The following SLC25A21 variants were observed in gnomAD, a reference collection of about 807,000 sequenced individuals.
The protein encoded by SLC25A21 is mitochondrial 2-oxodicarboxylate carrier.
Under a neutral mutation model 43.8 loss-of-function variants are expected in SLC25A21, and 47 were observed. The ratio of observed to expected loss-of-function variants is 1.07; its 90% CI spans 0.85 to 1.37. SLC25A21 has a LOEUF of 1.37. SLC25A21 is among the 40% of genes most tolerant of loss of function. The pLI is 0.00. For missense variants in SLC25A21, 352 were observed against 350.2 expected, an observed-to-expected ratio of 1.00 and a Z score of -0.04; for synonymous variants, 131 against 121.3, an observed-to-expected ratio of 1.08 and a Z score of -0.52.
intron 1 of SLC25A21, among the ~76,000 whole-genome samples, chr14:37,070,355 C>T (rs1962145767): frequency 6.6e-6 from 1 of 152,168 alleles, no homozygotes; most frequent in Non-Finnish European, 1.5e-5. Context: ...CAATCTGCAT[C>T]ACATCTTAGG....
chr14:37,068,676 T>G (rs1483848082), intron 1 of SLC25A21, among the ~76,000 whole-genome samples: 1 of 152,254 alleles, frequency 6.6e-6, no homozygotes, highest in African/African-American at 2.4e-5. Flanking sequence ...CTTTGCTTAC[T>G]TGCTTACAAA....
Position 36,922,083 on chromosome 14 carries a change from G to A in SLC25A21, c.71-47079C>T, listed in dbSNP as rs142931539. Among the ~76,000 whole-genome samples the A allele has an allele frequency of 3.9e-3, 593 of 150,426 alleles. 8 individuals are homozygous for A. The highest frequency in any genetic ancestry group is 0.014 in the African/African-American group (568 of 40,444). ...GAACTCAGGAAGTAGAGGTTGCACT[G>A]AGCCAAGATTGCATCACTGCACTCC... On this transcript the variant is annotated intron_variant, in intron 1 of 9. Transcript: ENST00000331299.
intron 1 of SLC25A21, among the ~76,000 whole-genome samples, chr14:36,931,469 A>C (rs879743818): frequency 1.3e-5 from 2 of 152,148 alleles, no homozygotes; most frequent in East Asian, 3.9e-4. Context: ...AAATGTGGCT[A>C]TTGCTTTAGA....
intron 2 of SLC25A21, among the ~76,000 whole-genome samples, chr14:36,856,842 A>G (rs1439469679): frequency 1.3e-5 from 2 of 152,212 alleles, no homozygotes; most frequent in Non-Finnish European, 2.9e-5. Flanking sequence ...ATGCAGTCAG[A>G]TGGAAAGAAC....
chr14:36,977,361 C>T (rs1318633324), intron 1 of SLC25A21, among the ~76,000 whole-genome samples: 1 of 152,048 alleles, frequency 6.6e-6, no homozygotes, highest in Non-Finnish European at 1.5e-5. Flanking sequence ...TAGAAGGCCC[C>T]CCTGTACATA....
chr14:36,904,626 G>C (rs1004610036), intron 1 of SLC25A21, among the ~76,000 whole-genome samples: 1 of 152,184 alleles, frequency 6.6e-6, no homozygotes, highest in Non-Finnish European at 1.5e-5. Flanking sequence ...ACATGGCTGG[G>C]GAGGCCTTAG....
chr14:36,693,136 G>A (rs1253444824), intron 7 of SLC25A21, among the ~76,000 whole-genome samples: 1 of 152,182 alleles, frequency 6.6e-6, no homozygotes, highest in Non-Finnish European at 1.5e-5. Flanking sequence ...ATTTATTGTA[G>A]TAATACATTT....
intron 3 of SLC25A21, among the ~76,000 whole-genome samples, chr14:36,746,731 C>T (rs1885515525): frequency 2.6e-5 from 4 of 152,084 alleles, no homozygotes; most frequent in Admixed American, 6.6e-5. Flanking sequence ...TTCTGTCCCT[C>T]CCATTCATAA....
chr14:36,884,241 T>C (rs10130420), intron 1 of SLC25A21, among the ~76,000 whole-genome samples: 2,888 of 152,270 alleles, frequency 0.019, 103 homozygotes, highest in African/African-American at 0.066. Context: ...GCAGTATTTG[T>C]CTATTCATGT....
At chr14:36,900,427 A>G (rs2138596765) in intron 1 of SLC25A21, among the ~76,000 whole-genome samples, 1 of 152,252 alleles carries the variant, frequency 6.6e-6, no homozygotes. Context: ...TGTAATTTGA[A>G]AAATGATAAG....
At chr14:36,892,355 T>C (rs900810738) in intron 1 of SLC25A21, among the ~76,000 whole-genome samples, 1 of 152,098 alleles carries the variant, frequency 6.6e-6, no homozygotes, top group Admixed American at 6.6e-5. Flanking sequence ...GCTCCGATAA[T>C]GCCAAAATGT....
At chr14:36,925,053 T>C (rs1892093374) in intron 1 of SLC25A21, among the ~76,000 whole-genome samples, 2 of 152,076 alleles carry the variant, frequency 1.3e-5, no homozygotes, top group Admixed American at 6.6e-5. Context: ...TAAAAAAATA[T>C]ATATCATAAA....
At chr14:36,913,858 A>C (rs1891756785) in intron 1 of SLC25A21, among the ~76,000 whole-genome samples, 1 of 152,250 alleles carries the variant, frequency 6.6e-6, no homozygotes, top group Non-Finnish European at 1.5e-5. Flanking sequence ...AGAATAAGTC[A>C]GGAAATTTTG....
intron 1 of SLC25A21, among the ~76,000 whole-genome samples, chr14:36,963,431 T>TA (rs751708708): frequency 3.0e-4 from 45 of 152,134 alleles, no homozygotes; most frequent in Non-Finnish European, 4.9e-4. Context: ...TTTAAAATAA[T>TA]AGATTATTCA....
chr14:36,971,060 G>A (rs1959737847), intron 1 of SLC25A21, among the ~76,000 whole-genome samples: 1 of 152,086 alleles, frequency 6.6e-6, no homozygotes, highest in Non-Finnish European at 1.5e-5. Flanking sequence ...TCTTCAAAAT[G>A]TTTACAGTTC....
intron 1 of SLC25A21, among the ~76,000 whole-genome samples, chr14:36,970,027 A>G (rs539113251): frequency 1.3e-5 from 2 of 152,328 alleles, no homozygotes; most frequent in South Asian, 2.1e-4. Flanking sequence ...AGTTGTTACA[A>G]TTGAGCATTT....
At chr14:36,782,782 T>C (rs1180203601) in intron 3 of SLC25A21, among the ~76,000 whole-genome samples, 2 of 120,880 alleles carry the variant, frequency 1.7e-5, no homozygotes, top group Non-Finnish European at 3.3e-5. Context: ...AAGGGGAATA[T>C]CACACTCTGG....
intron 9 of SLC25A21, among the ~76,000 whole-genome samples, chr14:36,683,595 T>A (rs1594483908): frequency 6.6e-6 from 1 of 152,188 alleles, no homozygotes; most frequent in East Asian, 1.9e-4. Context: ...TTAAGCTGGG[T>A]TTTGGCTTCT....
intron 3 of SLC25A21, among the ~76,000 whole-genome samples, chr14:36,758,735 C>G (rs1886029427): frequency 6.6e-6 from 1 of 152,072 alleles, no homozygotes. Context: ...ACCCCAAAGA[C>G]TGATAGGGAC....
Sources: allele counts gnomAD v4.1 joint callset (sites outside exome capture counted in the v4.1 genomes callset), GRCh38; gene constraint gnomAD v4.1.1; transcripts MANE v1.5; gene names NCBI Gene and HGNC (gene_info 2026-07-23, HGNC 2026-07-21).